The following NCAM2 variants were observed in gnomAD, a reference collection of about 807,000 sequenced individuals.
NCAM2 encodes the protein neural cell adhesion molecule 2, also known as N-CAM-2.
NCAM2 carries 30 observed loss-of-function variants against 98.1 expected under a neutral mutation model. The ratio of observed to expected loss-of-function variants is 0.31; its 90% confidence interval spans 0.23 to 0.41. The LOEUF (loss-of-function observed/expected upper bound fraction) is 0.41. Among genes scored for constraint, NCAM2 ranks in the 10% least tolerant of loss-of-function variants. The probability of loss-of-function intolerance (pLI) is 1.00; values close to 1 mark genes in which losing one functional copy is unlikely to be tolerated. For synonymous variants in NCAM2, 368 were observed against 342.4 expected, an observed-to-expected ratio of 1.07 and a Z score of -0.83; for missense variants, 867 against 1,005.8, an observed-to-expected ratio of 0.86 and a Z score of 1.87.
intron 5 of NCAM2, among the ~76,000 whole-genome samples, chr21:21,318,616 T>C (rs1168941066): frequency 1.3e-5 from 2 of 152,208 alleles, no homozygotes; most frequent in East Asian, 3.9e-4. Context: ...GTATAATGTC[T>C]ACTGAGGACA....
chr21:21,349,913 C>G (rs1192781420), intron 8 of NCAM2, among the ~76,000 whole-genome samples: 1 of 151,924 alleles, frequency 6.6e-6, no homozygotes, highest in African/African-American at 2.4e-5. Context: ...GAATGGTAAC[C>G]AGATGATGGG....
chr21:21,410,151 T>C (rs1381727020), intron 9 of NCAM2, 123 bp from the exon 10 acceptor site: 2 of 568,868 alleles, frequency 3.5e-6, no homozygotes, highest in Non-Finnish European at 2.7e-6. Flanking sequence ...AAAAAAAAAA[T>C]ACACGAAATT....
intron 1 of NCAM2, among the ~76,000 whole-genome samples, chr21:21,272,934 TCACACACA>T (rs61235726): frequency 8.0e-6 from 1 of 124,788 alleles, no homozygotes; most frequent in Non-Finnish European, 1.6e-5. Flanking sequence ...GGACATGCAT[TCACACACA>T]CACACACACA....
chr21:21,418,753 G>A (rs1485138112), intron 11 of NCAM2, among the ~76,000 whole-genome samples, 184 bp downstream of exon 11: 1 of 152,058 alleles, frequency 6.6e-6, no homozygotes, highest in African/African-American at 2.4e-5. Flanking sequence ...ATGAAGAGGG[G>A]TTACTCAGGG....
chr21:21,069,596 C>T (rs1229855157), intron 1 of NCAM2, among the ~76,000 whole-genome samples: 1 of 152,140 alleles, frequency 6.6e-6, no homozygotes, highest in African/African-American at 2.4e-5. Flanking sequence ...ACCTACCCTT[C>T]CTTTAAAAGA....
intron 6 of NCAM2, among the ~76,000 whole-genome samples, chr21:21,333,921 A>G: frequency 6.6e-6 from 1 of 152,246 alleles, no homozygotes; most frequent in South Asian, 2.1e-4. Context: ...TAGTAATAAT[A>G]TCAAAAATAT....
intron 8 of NCAM2, among the ~76,000 whole-genome samples, chr21:21,357,881 A>G (rs111433947): frequency 3.3e-5 from 5 of 152,302 alleles, no homozygotes; most frequent in African/African-American, 1.2e-4. Context: ...TTAATAAAAT[A>G]CTTTAGCAAA....
At chr21:21,265,338 A>T (rs548635883) in intron 1 of NCAM2, among the ~76,000 whole-genome samples, 1 of 130,704 alleles carries the variant, frequency 7.7e-6, no homozygotes, top group Non-Finnish European at 1.6e-5. Context: ...TATAATATAT[A>T]TGTGTATGTA....
intron 5 of NCAM2, among the ~76,000 whole-genome samples, chr21:21,296,990 G>A (rs921198257): frequency 1.3e-5 from 2 of 151,648 alleles, no homozygotes; most frequent in Admixed American, 6.6e-5. Context: ...AGGACTTGAA[G>A]CATAAAGGTA....
At chr21:21,050,576 C>A (rs754592850) in intron 1 of NCAM2, among the ~76,000 whole-genome samples, 2 of 152,106 alleles carry the variant, frequency 1.3e-5, no homozygotes, top group Non-Finnish European at 2.9e-5. Flanking sequence ...GTTTGTCCTG[C>A]CAGAATGGAA....
chr21:21,306,059 A>C (rs1034646314), intron 5 of NCAM2, among the ~76,000 whole-genome samples: 5 of 152,154 alleles, frequency 3.3e-5, no homozygotes, highest in Non-Finnish European at 7.4e-5. Context: ...TTCCAGAGAT[A>C]GTTCTGTCAT....
At chr21:21,071,685 T>C (rs8126511) in intron 1 of NCAM2, among the ~76,000 whole-genome samples, 5,635 of 152,276 alleles carry the variant, frequency 0.037, 328 homozygotes, top group African/African-American at 0.13. Context: ...AATATTTTTT[T>C]CCTCTGGTTT....
intron 1 of NCAM2, among the ~76,000 whole-genome samples, chr21:21,249,468 A>G (rs1363386164): frequency 2.0e-5 from 3 of 152,178 alleles, no homozygotes; most frequent in Middle Eastern, 3.2e-3. Context: ...GCTCATCATT[A>G]GGATGAGCTC....
At chr21:20,999,060 G>A (rs1451452620) in intron 1 of NCAM2, among the ~76,000 whole-genome samples, 2 of 152,122 alleles carry the variant, frequency 1.3e-5, no homozygotes, top group African/African-American at 2.4e-5. Context: ...CTGTGTGCAA[G>A]ACGTTCGATT....
intron 1 of NCAM2, among the ~76,000 whole-genome samples, chr21:21,157,011 G>A (rs1479641575): frequency 6.6e-6 from 1 of 151,796 alleles, no homozygotes; most frequent in Non-Finnish European, 1.5e-5. Context: ...GCACCCGCAG[G>A]TTTTCAATTC....
intron 1 of NCAM2, among the ~76,000 whole-genome samples, chr21:21,005,224 C>T (rs766270678): frequency 1.3e-5 from 2 of 152,090 alleles, no homozygotes; most frequent in Non-Finnish European, 2.9e-5. Flanking sequence ...GTTTTTAAGT[C>T]TGCTGGCCAT....
intron 1 of NCAM2, among the ~76,000 whole-genome samples, chr21:21,140,855 G>A (rs957896104): frequency 1.3e-5 from 2 of 152,114 alleles, no homozygotes; most frequent in African/African-American, 4.8e-5. Flanking sequence ...AAAAATCTCT[G>A]AACATTGCTA....
At chr21:21,036,207 AAT>A (rs2064794166) in intron 1 of NCAM2, among the ~76,000 whole-genome samples, 1 of 152,202 alleles carries the variant, frequency 6.6e-6, no homozygotes. Context: ...ACTGTGAAAT[AAT>A]AGTCATTGAC....
intron 13 of NCAM2, among the ~76,000 whole-genome samples, chr21:21,468,062 T>G (rs555864040): frequency 6.6e-6 from 1 of 152,128 alleles, no homozygotes; most frequent in Non-Finnish European, 1.5e-5. Flanking sequence ...GTTATATGGC[T>G]ATCTCTATGT....
Sources: gnomAD v4.1 joint callset for allele counts (sites outside exome capture counted in the v4.1 genomes callset) on GRCh38, gnomAD v4.1.1 for gene constraint, MANE v1.5 for transcripts, NCBI Gene and HGNC (gene_info 2026-07-23, HGNC 2026-07-21) for gene names.